RRN3: variants seen among roughly 807,000 people sequenced by gnomAD.
RRN3 encodes the protein RNA polymerase I-specific transcription initiation factor RRN3.
Under a neutral mutation model 82.3 loss-of-function variants are expected in RRN3, and 38 were observed. The ratio of observed to expected loss-of-function variants is 0.46; its 90% confidence interval spans 0.36 to 0.61. The LOEUF (loss-of-function observed/expected upper bound fraction) is 0.61. Ranked by LOEUF, RRN3 falls within the 20% of genes least tolerant of loss-of-function variation. RRN3 has a pLI of 0.00. For missense variants in RRN3, 726 were observed against 793.1 expected (o/e 0.92, Z 1.02); for synonymous variants, 284 against 284.3 (o/e 1.00, Z 0.01).
At chr16:15,083,489 G>A (rs538239412) in intron 8 of RRN3, 24 bp downstream of exon 8, 2 of 1,607,186 alleles carry the variant, frequency 1.2e-6, no homozygotes, top group Non-Finnish European at 1.7e-6. Flanking sequence ...TTTCCATGAT[G>A]TTCTCAATGA....
At chr16:15,070,841 A>G (rs1311435948) in intron 13 of RRN3, among the ~76,000 whole-genome samples, 1 of 152,166 alleles carries the variant, frequency 6.6e-6, no homozygotes, top group African/African-American at 2.4e-5. Flanking sequence ...AAAAGAATCA[A>G]AACAGTATAC....
rs2045889277 is a variant in RRN3 at position 15,085,678 on chromosome 16, C to A, written c.493G>T (p.Gly165Cys). Residue 165 changes from glycine to cysteine, a missense_variant, in exon 6 of 18, where the codon GGC becomes TGC. Transcript: ENST00000198767. ...TCAGAATCTGAAACATCTACATCGC[C>A]TTCCTTAATGATCACTCGGGCTTTT... ...FVPPRVIIKE[G>C]DVDVSDSDDE... 1 of 1,613,570 alleles carries A rather than the reference C, an allele frequency of 6.2e-7. No individual in the cohort carries two copies. Among genetic ancestry groups the A allele is most frequent in the Non-Finnish European group, 8.5e-7 (1 of 1,179,804 alleles).
chr16:15,090,001 G>A (rs1367438486), intron 3 of RRN3, among the ~76,000 whole-genome samples: 11 of 150,934 alleles, frequency 7.3e-5, no homozygotes. Context: ...CTGAGGTCAG[G>A]AGTTCAAGAC....
At chr16:15,083,399 AAAAAAG>A (rs950939308) in intron 8 of RRN3, 108 bp downstream of exon 8, 23 of 1,494,928 alleles carry the variant, frequency 1.5e-5, no homozygotes, top group East Asian at 7.3e-5. Context: ...ACTCGGTCTC[AAAAAAG>A]AAAAAGAAAA....
At chr16:15,088,359 C>T (rs543132070) in intron 3 of RRN3, among the ~76,000 whole-genome samples, 113 of 151,888 alleles carry the variant, frequency 7.4e-4, no homozygotes, top group African/African-American at 2.5e-3. Context: ...CCCAGATGCT[C>T]GGGAGCCTGA....
intron 8 of RRN3, 51 bp from the exon 9 acceptor site, chr16:15,080,147 A>G: frequency 6.5e-7 from 1 of 1,535,624 alleles, no homozygotes. Context: ...TAAACGTTTC[A>G]CAGTTATGTA....
intron 11 of RRN3, among the ~76,000 whole-genome samples, chr16:15,074,218 A>G (rs1053694405): frequency 2.6e-5 from 4 of 152,238 alleles, no homozygotes; most frequent in African/African-American, 9.6e-5. Flanking sequence ...TTCCAGTTCT[A>G]TTATTCTGAC....
In RRN3 at chr16:15,086,239, C is replaced by G. The variant is rs2045912364; in HGVS notation, c.362G>C (p.Arg121Thr). ...SIILRLPWLN[R>T]SQTVVEEYLA... ...ATACTCTTCCACTACTGTTTGACTTCTATTCAACCAAGGCAATCTCTAGAG... is the reference window on the plus strand; with the variant it reads ...ATACTCTTCCACTACTGTTTGACTTGTATTCAACCAAGGCAATCTCTAGAG... Residue 121 changes from arginine (R) to threonine (T), a missense_variant, in exon 5 of 18, where the codon AGA becomes ACA. Arg to Thr is a moderately conservative substitution (Grantham distance 71, BLOSUM62 -1). Around this residue, in one of 4 missense-constraint regions of RRN3, gnomAD observed 344 missense variants for 394.5 expected, o/e 0.87. Coordinates refer to ENST00000198767, the MANE Select transcript of RRN3 (RefSeq NM_018427.5). The G allele has an allele frequency of 6.3e-7, 1 of 1,583,526 alleles. No homozygotes were observed. The highest frequency in any genetic ancestry group is 8.6e-7 in the Non-Finnish European group (1 of 1,158,116).
At chr16:15,092,063 C>T (rs1349278256) in intron 2 of RRN3, among the ~76,000 whole-genome samples, 1 of 152,058 alleles carries the variant, frequency 6.6e-6, no homozygotes, top group East Asian at 1.9e-4. Context: ...CCTGTAACCC[C>T]ACCTATTCGG....
At chr16:15,074,970 C>T in intron 10 of RRN3, 109 bp from the exon 11 acceptor site, 3 of 1,150,056 alleles carry the variant, frequency 2.6e-6, no homozygotes, top group Non-Finnish European at 2.4e-6. Flanking sequence ...AACAAAGAGG[C>T]TGGGGAAAGC....
chr16:15,080,466 GCTCT>G (rs905429434), intron 8 of RRN3, among the ~76,000 whole-genome samples: 4 of 151,940 alleles, frequency 2.6e-5, no homozygotes, highest in African/African-American at 9.7e-5. Context: ...ACAGGGTCTT[GCTCT>G]CTCTCTCAGG....
intron 15 of RRN3, among the ~76,000 whole-genome samples, chr16:15,066,157 C>T (rs1254173350): frequency 6.6e-6 from 1 of 152,138 alleles, no homozygotes; most frequent in Non-Finnish European, 1.5e-5. Flanking sequence ...AGCCAAGGCT[C>T]ACAGCACTTG....
chr16:15,094,121 AGAAG>A lies in RRN3; in HGVS notation c.89+20_89+23del. 1 of 1,576,352 alleles carries A rather than the reference AGAAG, an allele frequency of 6.3e-7. No homozygotes were observed. The highest frequency in any genetic ancestry group is 8.6e-7 in the Non-Finnish European group (1 of 1,157,996). ...TCCTGAGCTTTCGTCCCAGATACGC[AGAAG>A]GAAGCGGCCTGAATCTTACCCAGTC... On this transcript the variant is annotated intron_variant, in intron 1 of 17. Coordinates refer to ENST00000198767, the MANE Select transcript of RRN3 (RefSeq NM_018427.5).
At chr16:15,088,022 G>A (rs1017241011) in intron 3 of RRN3, among the ~76,000 whole-genome samples, 18 of 152,020 alleles carry the variant, frequency 1.2e-4, no homozygotes, top group African/African-American at 4.3e-4. Context: ...GCTGAGGCAG[G>A]AGAATTGCTT....
intron 3 of RRN3, among the ~76,000 whole-genome samples, chr16:15,087,275 G>T (rs1358632146): frequency 6.6e-6 from 1 of 152,152 alleles, no homozygotes; most frequent in African/African-American, 2.4e-5. Flanking sequence ...TGCCAGGCAT[G>T]GTGCCTGACA....
chr16:15,092,729 G>C lies in RRN3; in HGVS notation c.90-115C>G, dbSNP rs1045375186. 3.3e-5 allele frequency: 23 copies of C among 691,664 alleles called. No individual in the cohort carries two copies. The African/African-American group carries it at 4.2e-4, about 13-fold the overall frequency. The allele number at this position is 691,664 out of a possible 1,614,324, so 42.8% of individuals were successfully genotyped here. A position where few individuals can be genotyped will look rare whatever the true frequency, so the allele number is the denominator to read the frequency against. Reference sequence around the variant, plus strand: ...GAACTATTGTTAAGGCCTCTTTACTGGTCTCCCTGCTTCCACTCTTAACCA... The same window carrying C: ...GAACTATTGTTAAGGCCTCTTTACTCGTCTCCCTGCTTCCACTCTTAACCA... On this transcript the variant is annotated intron_variant, in intron 1 of 17. Transcript: ENST00000198767.
rs371068246 is a variant in RRN3 at position 15,092,092 on chromosome 16, T to C, written c.195+417A>G. The stretch of plus-strand genomic sequence containing the variant: ...TATTCGGAAGACTGAGGCAGGAGAA[T>C]TGCTTGAACCTGGGAGGTGGAGGAT... On this transcript the variant is annotated intron_variant, in intron 2 of 17. Transcript: ENST00000198767. Among the ~76,000 whole-genome samples the C allele has an allele frequency of 1.9e-4, 29 of 152,232 alleles. No homozygotes were observed. In the South Asian group the frequency reaches 5.2e-3, roughly 27 times the overall value.
At chr16:15,074,913 G>C in intron 10 of RRN3, 52 bp from the exon 11 acceptor site, 1 of 1,527,046 alleles carries the variant, frequency 6.5e-7, no homozygotes, top group South Asian at 1.2e-5. Context: ...TGTCAAAGTG[G>C]TTTAGTAGGA....
At chr16:15,093,256 G>T (rs374254756) in intron 1 of RRN3, among the ~76,000 whole-genome samples, 3 of 152,098 alleles carry the variant, frequency 2.0e-5, no homozygotes, top group South Asian at 2.1e-4. Flanking sequence ...CGCCCGCCTC[G>T]GCCTCCCAAA....
Sources: allele counts gnomAD v4.1 joint callset (sites outside exome capture counted in the v4.1 genomes callset), GRCh38; gene constraint gnomAD v4.1.1; regional missense constraint gnomAD v4.1.1; transcripts MANE v1.5; gene names NCBI Gene and HGNC (gene_info 2026-07-23, HGNC 2026-07-21).